The following UVRAG variants were observed in gnomAD, a reference collection of about 807,000 sequenced individuals.
UVRAG encodes UV radiation resistance associated.
UVRAG carries 19 observed loss-of-function variants against 78.0 expected under a neutral mutation model. The ratio of observed to expected loss-of-function variants is 0.24; its 90% CI spans 0.17 to 0.36. The LOEUF (loss-of-function observed/expected upper bound fraction) is 0.36. Among genes scored for constraint, UVRAG ranks in the 10% least tolerant of loss-of-function variants. The probability of loss-of-function intolerance (pLI) is 1.00; values close to 1 mark genes in which losing one functional copy is unlikely to be tolerated. For synonymous variants in UVRAG, 323 were observed against 324.6 expected (o/e 1.00, Z 0.05); for missense variants, 740 against 853.8 (o/e 0.87, Z 1.66).
intron 14 of UVRAG, chr11:76,137,344 C>T (rs1349986727): frequency 4.4e-6 from 2 of 456,086 alleles, no homozygotes; most frequent in Non-Finnish European, 8.8e-6. Context: ...AGAACAGACA[C>T]CACTGAACAT....
chr11:76,039,691 A>G (rs1236875788), intron 12 of UVRAG, among the ~76,000 whole-genome samples: 1 of 152,238 alleles, frequency 6.6e-6, no homozygotes, highest in Non-Finnish European at 1.5e-5. Flanking sequence ...CCTGGCCAGC[A>G]TGGCGAAACC....
intron 4 of UVRAG, 104 bp downstream of exon 4, chr11:75,880,144 CTT>C (rs1946904458): frequency 7.5e-7 from 1 of 1,334,804 alleles, no homozygotes; most frequent in Non-Finnish European, 1.0e-6. Context: ...TAAAGAGAGA[CTT>C]TTATGACTGT....
intron 3 of UVRAG, among the ~76,000 whole-genome samples, 166 bp from the exon 4 acceptor site, chr11:75,879,713 C>T (rs1273502896): frequency 6.6e-6 from 1 of 152,194 alleles, no homozygotes; most frequent in Non-Finnish European, 1.5e-5. Context: ...GTACCATTAT[C>T]ACCCCTTTTG....
chr11:75,878,683 A>T (rs977879373), intron 3 of UVRAG, among the ~76,000 whole-genome samples: 1 of 152,146 alleles, frequency 6.6e-6, no homozygotes, highest in Non-Finnish European at 1.5e-5. Flanking sequence ...ACACAGGGAA[A>T]CCCAGTCTCC....
intron 7 of UVRAG, among the ~76,000 whole-genome samples, chr11:75,978,655 C>T (rs1392892971): frequency 2.6e-5 from 4 of 152,168 alleles, no homozygotes; most frequent in Non-Finnish European, 5.9e-5. Flanking sequence ...TCCAGTTGAT[C>T]GAATCGGCTA....
chr11:76,116,002 C>T lies in UVRAG; in HGVS notation c.1384C>T (p.Leu462=), dbSNP rs1266776269. 2.5e-6 allele frequency: 4 copies of T among 1,613,820 alleles called. No homozygotes were observed. The highest frequency in any genetic ancestry group is 2.5e-6 in the Non-Finnish European group (3 of 1,179,788). ...CCTGAAAAACTTCATGGAGCATGGA[C>T]TAATGGTCAGGTGGTGAGTACCTTT... ...PNLKNFMEHG[L]MVRCDRHHTS... The change falls in exon 14 of 15, where the codon CTA becomes TTA. Residue 462 remains leucine, a synonymous_variant. Coordinates refer to ENST00000356136, the MANE Select transcript of UVRAG (RefSeq NM_003369.4).
chr11:75,833,654 G>A (rs528771193), intron 1 of UVRAG, among the ~76,000 whole-genome samples: 3 of 152,218 alleles, frequency 2.0e-5, no homozygotes, highest in South Asian at 4.1e-4. Context: ...TGGGAGCCTC[G>A]GAACAGAGAT....
intron 6 of UVRAG, among the ~76,000 whole-genome samples, chr11:75,931,166 TTGTG>T (rs1406113692): frequency 6.6e-6 from 1 of 151,998 alleles, no homozygotes; most frequent in African/African-American, 2.4e-5. Flanking sequence ...TGCAAATAAT[TTGTG>T]TGATCATTTT....
At chr11:75,842,594 A>T (rs1945941834) in intron 1 of UVRAG, among the ~76,000 whole-genome samples, 5 of 152,018 alleles carry the variant, frequency 3.3e-5, no homozygotes. Flanking sequence ...GGCGCCCGCC[A>T]TCATTCCCAG....
intron 12 of UVRAG, among the ~76,000 whole-genome samples, chr11:76,036,252 T>C (rs928687161): frequency 6.6e-6 from 1 of 152,122 alleles, no homozygotes; most frequent in African/African-American, 2.4e-5. Flanking sequence ...AATGAAAGGT[T>C]AAAACGTTAA....
Position 75,979,963 on chromosome 11 carries a change from G to C in UVRAG, c.700-3424G>C, listed in dbSNP as rs995181243. 4 of 153,534 alleles carry C rather than the reference G, an allele frequency of 2.6e-5. No individual in the cohort carries two copies. In the Admixed American group the frequency reaches 2.6e-4, roughly 10 times the overall value. 9.5% of individuals were successfully genotyped at this position (153,534 alleles called of 1,614,324 possible). A position where few individuals can be genotyped will look rare whatever the true frequency, so the allele number is the denominator to read the frequency against. ...AATGCAGAAATCATCCATCTTCTGC[G>C]TCGCTCACGCTGGAAGCTGTAGACT... On this transcript the variant is annotated intron_variant, in intron 7 of 14. Coordinates refer to ENST00000356136, the MANE Select transcript of UVRAG (RefSeq NM_003369.4).
chr11:75,991,523 A>AT, intron 8 of UVRAG, among the ~76,000 whole-genome samples: 1 of 152,262 alleles, frequency 6.6e-6, no homozygotes, highest in East Asian at 1.9e-4. Context: ...AGATGCTATT[A>AT]TTATTTACCT....
intron 5 of UVRAG, among the ~76,000 whole-genome samples, chr11:75,909,504 A>G (rs980528900): frequency 1.6e-4 from 25 of 152,270 alleles, no homozygotes; most frequent in East Asian, 5.8e-4. Flanking sequence ...AGATTTGTCA[A>G]TGTTGATCTT....
At chr11:76,121,160 T>C (rs1274784229) in intron 14 of UVRAG, among the ~76,000 whole-genome samples, 2 of 152,248 alleles carry the variant, frequency 1.3e-5, no homozygotes, top group Non-Finnish European at 2.9e-5. Context: ...TAATTCTTTT[T>C]CTTGCACAGT....
At chr11:75,886,222 C>T (rs777521706) in intron 4 of UVRAG, among the ~76,000 whole-genome samples, 40 of 152,124 alleles carry the variant, frequency 2.6e-4, no homozygotes, top group Non-Finnish European at 5.4e-4. Flanking sequence ...TATTTTAATG[C>T]ACGTCTTCAT....
At chr11:75,875,804 G>A (rs1382705776) in intron 3 of UVRAG, among the ~76,000 whole-genome samples, 2 of 152,078 alleles carry the variant, frequency 1.3e-5, no homozygotes, top group Non-Finnish European at 2.9e-5. Context: ...GTGGTCCTCA[G>A]TGTGGAGAGG....
At chr11:76,131,262 T>C (rs987971843) in intron 14 of UVRAG, among the ~76,000 whole-genome samples, 1 of 152,192 alleles carries the variant, frequency 6.6e-6, no homozygotes, top group African/African-American at 2.4e-5. Flanking sequence ...GACCTCTCTT[T>C]ATCTCCGTGG....
chr11:75,884,240 T>TTCTCTCTCTC (rs767650431), intron 4 of UVRAG, among the ~76,000 whole-genome samples: 26 of 132,558 alleles, frequency 2.0e-4, no homozygotes, highest in African/African-American at 8.3e-4. Flanking sequence ...CTCTCTCTCT[T>TTCTCTCTCTC]TCTCTCTCTC....
At chr11:75,995,667 T>G (rs1949693480) in intron 8 of UVRAG, among the ~76,000 whole-genome samples, 1 of 152,026 alleles carries the variant, frequency 6.6e-6, no homozygotes, top group Non-Finnish European at 1.5e-5. Flanking sequence ...TATCAAAAGC[T>G]CATAGGTTTC....
Sources: allele counts gnomAD v4.1 joint callset (sites outside exome capture counted in the v4.1 genomes callset), GRCh38; gene constraint gnomAD v4.1.1; transcripts MANE v1.5; gene names NCBI Gene and HGNC (gene_info 2026-07-23, HGNC 2026-07-21).